Variants in ATP13A3 observed in about 807,000 individuals in gnomAD.
ATP13A3 encodes ATPase 13A3.
A neutral mutation model predicts 158.1 loss-of-function variants in ATP13A3; 59 were observed. The ratio of observed to expected loss-of-function variants is 0.37; its 90% confidence interval spans 0.30 to 0.46. The LOEUF (loss-of-function observed/expected upper bound fraction) is 0.46, where lower values mean the gene tolerates loss of function less well. Ranked by LOEUF, ATP13A3 falls within the 20% of genes least tolerant of loss-of-function variation. The pLI, the probability that ATP13A3 is intolerant of heterozygous loss-of-function variation, is 1.00. For synonymous variants in ATP13A3, 491 were observed against 504.3 expected (o/e 0.97, Z 0.35); for missense variants, 1,166 against 1,525.2 (o/e 0.76, Z 3.92).
At position 194,435,633 on chromosome 3, in the gene ATP13A3, G is replaced by A. The variant is rs184861380; in HGVS notation, c.2120+1462C>T. On this transcript the variant is annotated intron_variant, in intron 20 of 33. Coordinates refer to ENST00000645319, the MANE Select transcript of ATP13A3 (RefSeq NM_001367549.1). The stretch of plus-strand genomic sequence containing the variant: ...ACACCTAACAACTATAGGCAGCCGG[G>A]TGCAGTGGCTCACGCCTGTAATCCC... 8.1e-4 allele frequency among the ~76,000 whole-genome samples: 123 copies of A among 152,288 alleles called. 1 individual carries two copies. In the East Asian group the frequency reaches 0.015, roughly 18 times the overall value.
chr3:194,451,958 G>A (rs547959421), intron 10 of ATP13A3: 22 of 152,378 alleles, frequency 1.4e-4, no homozygotes, highest in African/African-American at 5.3e-4. Flanking sequence ...TTGATTCGGG[G>A]GGGCATGTCT....
chr3:194,412,357 T>G (rs952264513), intron 32 of ATP13A3, 69 bp from the exon 33 acceptor site: 1 of 1,225,812 alleles, frequency 8.2e-7, no homozygotes, highest in Admixed American at 2.0e-5. Flanking sequence ...TGCACCTTTT[T>G]AAAAAATCAC....
In ATP13A3 at chr3:194,427,264, A is replaced by G; in HGVS notation, c.2948-12T>C. ...AGGATTTAAACTCACTATATTGAAA[A>G]GAAAAAGAGGAAAGGTTTGTATTTA... On this transcript the variant is annotated splice_polypyrimidine_tract_variant and intron_variant, in intron 28 of 33. Transcript: ENST00000645319. 1 of 1,581,182 alleles carries G rather than the reference A, an allele frequency of 6.3e-7. No individual in the cohort carries two copies. Among genetic ancestry groups the G allele is most frequent in the Non-Finnish European group, 8.5e-7 (1 of 1,169,608 alleles).
chr3:194,452,025 C>T (rs1718845632), intron 10 of ATP13A3: 2 of 152,248 alleles, frequency 1.3e-5, no homozygotes, highest in Admixed American at 1.3e-4. Context: ...GATTTTTTTC[C>T]AAAGGGCAAG....
Position 194,448,541 on chromosome 3 carries a change from G to A in ATP13A3, c.1066C>T (p.Arg356Ter), listed in dbSNP as rs777136013. 1 of 1,613,952 alleles carries A rather than the reference G, an allele frequency of 6.2e-7. No individual in the cohort carries two copies. The highest frequency in any genetic ancestry group is 1.7e-5 in the Admixed American group (1 of 60,018). The change falls in exon 12 of 34, where the codon CGA becomes TGA. Residue 356 changes from arginine to a stop codon, truncating the protein, a stop_gained. Transcript: ENST00000645319. LOFTEE classifies it high-confidence loss of function. This position sits in a 1 kb window ranked among gnomAD's most constrained non-coding sequence, Gnocchi z 4.0. ...GTTGTCCCACAAAACAAAGTATGTC[G>A]TTTATGTGTTTCTGGATTATATAAT... is the stretch of plus-strand genomic sequence containing the variant. ...DELYNPETHK[R>*]HTLFCGTTVI... is the part of the protein sequence containing the mutation.
rs114030664 is a variant in ATP13A3 at position 194,467,528 on chromosome 3, T to G, written c.-46-5292A>C. ...TACCAAAGTGCTAAAAATAAACAAT[T>G]CAAATAAAAAGTTGCTCTAAAAACC... On this transcript the variant is annotated intron_variant, in intron 2 of 33. Coordinates refer to ENST00000645319, the MANE Select transcript of ATP13A3 (RefSeq NM_001367549.1). Among the ~76,000 whole-genome samples, 1,022 of 152,246 alleles carry G rather than the reference T, an allele frequency of 6.7e-3. 2 individuals are homozygous for G. Among genetic ancestry groups the G allele is most frequent in the Middle Eastern group, 0.031 (9 of 294 alleles).
At chr3:194,474,076 G>C (rs940349396) in intron 2 of ATP13A3, among the ~76,000 whole-genome samples, 5 of 152,202 alleles carry the variant, frequency 3.3e-5, no homozygotes, top group Non-Finnish European at 7.4e-5. Context: ...TTATGAAGTA[G>C]AGTATAAAAG....
intron 32 of ATP13A3, chr3:194,412,903 A>G (rs142392450): frequency 6.6e-6 from 1 of 152,520 alleles, no homozygotes; most frequent in African/African-American, 2.4e-5. Flanking sequence ...GGGGTAATTG[A>G]AATTAAGTGT....
rs1342193311 is a variant in ATP13A3 at position 194,425,518 on chromosome 3, G to T, written c.3137C>A (p.Thr1046Lys). The change falls in exon 30 of 34, where the codon ACA becomes AAA. Residue 1046 changes from threonine to lysine, a missense_variant. Physicochemically the swap from Thr to Lys is moderately conservative, Grantham distance 78. Transcript: ENST00000645319. ...AGAATTCCAAAACCCGCTTCCTGTT[G>T]TATTACAAGCACTAGAACACATGCA... is the stretch of plus-strand genomic sequence containing the variant. Reference protein sequence around the residue: ...VWHPKSDACNTTGSGFWNSSH... With the variant: ...VWHPKSDACNKTGSGFWNSSH... 1 of 1,611,460 alleles carries T rather than the reference G, an allele frequency of 6.2e-7. No homozygotes were observed. Among genetic ancestry groups the T allele is most frequent in the East Asian group, 2.2e-5 (1 of 44,836 alleles).
At chr3:194,422,971 C>G (rs1042274295) in intron 30 of ATP13A3, among the ~76,000 whole-genome samples, 1 of 150,320 alleles carries the variant, frequency 6.7e-6, no homozygotes, top group East Asian at 1.9e-4. Flanking sequence ...GATACATAGG[C>G]CCTGAATAGG....
Position 194,405,450 on chromosome 3 carries a change from A to G in ATP13A3, c.*469T>C, listed in dbSNP as rs1322949346. The G allele has an allele frequency of 6.4e-6, 1 of 156,884 alleles. No homozygotes were observed. The highest frequency in any genetic ancestry group is 1.9e-4 in the East Asian group (1 of 5,338). The allele number at this position is 156,884 out of a possible 1,614,324, so 9.7% of individuals were successfully genotyped here. A position where few individuals can be genotyped will look rare whatever the true frequency, so the allele number is the denominator to read the frequency against. On this transcript the variant is annotated 3_prime_UTR_variant, in exon 34 of 34. Transcript: ENST00000645319. ...AATCAAATGAAAACAGGCTTTCAGT[A>G]TATTTTCACTGGAGGCTAATTAACA...
chr3:194,454,037 C>T (rs1719015027), intron 9 of ATP13A3, among the ~76,000 whole-genome samples: 1 of 152,182 alleles, frequency 6.6e-6, no homozygotes, highest in African/African-American at 2.4e-5. Flanking sequence ...GGTCTCTAGA[C>T]AGTCAAGTGG....
At chr3:194,454,711 C>A (rs1312714590) in intron 8 of ATP13A3, among the ~76,000 whole-genome samples, 2 of 151,992 alleles carry the variant, frequency 1.3e-5, no homozygotes, top group African/African-American at 4.8e-5. Flanking sequence ...CGCCTGTAGT[C>A]CCAGCTACTC....
chr3:194,408,123 G>A (rs1433199040), intron 33 of ATP13A3, among the ~76,000 whole-genome samples: 2 of 151,438 alleles, frequency 1.3e-5, no homozygotes, highest in East Asian at 3.9e-4. Flanking sequence ...GGGTTCAAGC[G>A]ATTCTCCTGC....
chr3:194,428,811 A>C, intron 28 of ATP13A3, 34 bp downstream of exon 28: 1 of 1,463,584 alleles, frequency 6.8e-7, no homozygotes, highest in Non-Finnish European at 9.4e-7. Flanking sequence ...AATTTCATAC[A>C]CTTTAAAAAT....
At chr3:194,453,939 G>T in intron 9 of ATP13A3, 161 bp from the exon 10 acceptor site, 1 of 654,920 alleles carries the variant, frequency 1.5e-6, no homozygotes. Flanking sequence ...TTTAGTTCAA[G>T]ACAAAACAAG....
At chr3:194,442,294 A>G (rs546736123) in intron 15 of ATP13A3, among the ~76,000 whole-genome samples, 1 of 152,336 alleles carries the variant, frequency 6.6e-6, no homozygotes, top group East Asian at 1.9e-4. Context: ...TAACAAAGAC[A>G]GAATTAGAAT....
At position 194,459,989 on chromosome 3, in the gene ATP13A3, A is replaced by G; in HGVS notation, c.226-18T>C. On this transcript the variant is annotated intron_variant, in intron 4 of 33. Coordinates refer to ENST00000645319, the MANE Select transcript of ATP13A3 (RefSeq NM_001367549.1). ...AATTCATCCTTAAAGAGAGAAAGGG[A>G]TAACGGTAAGGAGTCAATTTTATAG... The G allele has an allele frequency of 1.3e-6, 2 of 1,596,654 alleles. No homozygotes were observed. The highest frequency in any genetic ancestry group is 1.7e-6 in the Non-Finnish European group (2 of 1,168,754).
intron 2 of ATP13A3, among the ~76,000 whole-genome samples, chr3:194,469,092 C>T (rs1720170885): frequency 6.6e-6 from 1 of 150,990 alleles, no homozygotes; most frequent in Non-Finnish European, 1.5e-5. Flanking sequence ...AAGACTGCGC[C>T]ACTGCACTCC....
Sources: gnomAD v4.1 joint callset for allele counts (sites outside exome capture counted in the v4.1 genomes callset) on GRCh38, gnomAD v4.1.1 for gene constraint, Gnocchi (gnomAD v3.1) non-coding constraint, MANE v1.5 for transcripts, NCBI Gene and HGNC (gene_info 2026-07-23, HGNC 2026-07-21) for gene names.